DYNC2H1: variants seen among roughly 807,000 people sequenced by gnomAD.
DYNC2H1 encodes the protein cytoplasmic dynein 2 heavy chain 1.
A neutral mutation model predicts 570.0 loss-of-function variants in DYNC2H1; 410 were observed. The observed-to-expected ratio is 0.72, with a 90% confidence interval of 0.66 to 0.78. The LOEUF (loss-of-function observed/expected upper bound fraction) is 0.78, where lower values mean the gene tolerates loss of function less well. Among genes scored for constraint, DYNC2H1 ranks in the 30% least tolerant of loss-of-function variants. The pLI is 0.00. For synonymous variants in DYNC2H1, 1,688 were observed against 1,677.6 expected, an observed-to-expected ratio of 1.01 and a Z score of -0.15; for missense variants, 4,865 against 5,046.4, an observed-to-expected ratio of 0.96 and a Z score of 1.09.
In DYNC2H1 at chr11:103,184,990, A is replaced by G; in HGVS notation, c.6572A>G (p.Asn2191Ser). The change falls in exon 41 of 89, where the codon AAT becomes AGT. Residue 2191 changes from asparagine (N) to serine (S), a missense_variant. Asn to Ser is a conservative substitution (Grantham distance 46, BLOSUM62 1). This residue lies in a region of DYNC2H1 where 231 missense variants were observed against 310.3 expected (regional missense o/e 0.74). Coordinates refer to ENST00000375735, the MANE Select transcript of DYNC2H1 (RefSeq NM_001377.3). ...AGAGATCATGACGAATTCATTATTA[A>G]TCTCATAAGGGGACTTGGTGGAAAT... is the stretch of plus-strand genomic sequence containing the variant. ...GCRDHDEFIINLIRGLGGNLN... is the reference protein window; with the variant it reads ...GCRDHDEFIISLIRGLGGNLN... 6.2e-7 allele frequency: 1 copy of G among 1,610,950 alleles called. No homozygotes were observed.
rs1215233234 is a variant in DYNC2H1 at position 103,168,968 on chromosome 11, T to G, written c.4968+8T>G. On this transcript the variant is annotated splice_region_variant and intron_variant, in intron 32 of 88. Coordinates refer to ENST00000375735, the MANE Select transcript of DYNC2H1 (RefSeq NM_001377.3). ...TATACTTATGAATATCAGGTATGAG[T>G]TGTGGCAGTGTTTTATATTTCCAAT... is the stretch of plus-strand genomic sequence containing the variant. 7 of 1,582,382 alleles carry G rather than the reference T, an allele frequency of 4.4e-6. No individual in the cohort carries two copies. The highest frequency in any genetic ancestry group is 2.3e-5 in the East Asian group (1 of 43,790).
intron 38 of DYNC2H1, among the ~76,000 whole-genome samples, chr11:103,178,078 C>T (rs2134996525): frequency 6.6e-6 from 1 of 152,114 alleles, no homozygotes; most frequent in East Asian, 1.9e-4. Context: ...GATTAATTTA[C>T]TGAATGAATA....
intron 88 of DYNC2H1, among the ~76,000 whole-genome samples, chr11:103,473,882 GA>G (rs974527093): frequency 4.7e-4 from 72 of 152,112 alleles, no homozygotes; most frequent in African/African-American, 1.6e-3. Flanking sequence ...TTCAGCTTCA[GA>G]AAAAAATTTA....
In DYNC2H1 at chr11:103,316,560, T is replaced by C; in HGVS notation, c.11665T>C (p.Tyr3889His). Residue 3889 changes from tyrosine to histidine, a missense_variant, in exon 80 of 89, where the codon TAT becomes CAT. By Grantham distance (83) the Tyr-to-His change is moderately conservative. This residue lies in a region of DYNC2H1 where 2,401 missense variants were observed against 2,454.6 expected (regional missense o/e 0.98). Transcript: ENST00000375735. The part of the protein sequence containing the change: ...NYIPQGWTKF[Y>H]EFSLSDLRAG... ...TTTTTGACAGGGTTGGACAAAGTTT[T>C]ATGAATTTTCTTTATCAGATCTTCG... 1.9e-6 allele frequency: 3 copies of C among 1,557,530 alleles called. No individual in the cohort carries two copies. Among genetic ancestry groups the C allele is most frequent in the Non-Finnish European group, 2.6e-6 (3 of 1,152,058 alleles).
chr11:103,335,098 C>T (rs1215953707), intron 82 of DYNC2H1, among the ~76,000 whole-genome samples: 2 of 151,932 alleles, frequency 1.3e-5, no homozygotes, highest in African/African-American at 2.4e-5. Flanking sequence ...AGGTATTTTT[C>T]AATGTCCCTT....
chr11:103,135,724 G>A lies in DYNC2H1; in HGVS notation c.2350G>A (p.Gly784Arg), dbSNP rs1859499981. The A allele has an allele frequency of 1.9e-6, 3 of 1,607,510 alleles. No individual in the cohort carries two copies. In the African/African-American group the frequency reaches 4.0e-5, roughly 22 times the overall value. The change falls in exon 17 of 89, where the codon GGA becomes AGA. Residue 784 changes from glycine (G) to arginine (R), a missense_variant. Transcript: ENST00000375735. ...EINIDLTYKQGRLQFRPPFEE... is the reference protein window; with the variant it reads ...EINIDLTYKQRRLQFRPPFEE... Reference sequence around the variant, plus strand: ...AAGTTATTTATTTACTTTTAGACAGGGACGATTACAATTCAGGCCCCCTTT... The same window carrying A: ...AAGTTATTTATTTACTTTTAGACAGAGACGATTACAATTCAGGCCCCCTTT...
intron 82 of DYNC2H1, among the ~76,000 whole-genome samples, chr11:103,328,251 CT>C (rs375931781): frequency 1.3e-5 from 2 of 152,106 alleles, no homozygotes; most frequent in African/African-American, 4.8e-5. Context: ...TGTTTCACTG[CT>C]TATTTACTTG....
chr11:103,133,524 T>C lies in DYNC2H1; in HGVS notation c.1954-31T>C, dbSNP rs185493394. On this transcript the variant is annotated intron_variant, in intron 13 of 88. Transcript: ENST00000375735. The surrounding 1 kb of genome is among the most constrained non-coding windows in gnomAD (Gnocchi z 4.8). ...AACTTTTGGAAAAAAGAAATACTTA[T>C]ACATACTAAAGGTTATTTATTGTAC... 8,248 of 1,570,442 alleles carry C rather than the reference T, an allele frequency of 5.3e-3. 37 individuals carry two copies. Among genetic ancestry groups the C allele is most frequent in the Non-Finnish European group, 6.5e-3 (7,581 of 1,165,996 alleles).
At chr11:103,232,469 T>C (rs896224781) in intron 60 of DYNC2H1, among the ~76,000 whole-genome samples, 1 of 151,960 alleles carries the variant, frequency 6.6e-6, no homozygotes, top group African/African-American at 2.4e-5. Flanking sequence ...ACTTTTGGAA[T>C]TAACTTTTAA....
At chr11:103,406,207 A>G (rs1942859311) in intron 84 of DYNC2H1, 2 of 152,028 alleles carry the variant, frequency 1.3e-5, no homozygotes, top group Non-Finnish European at 2.9e-5. Flanking sequence ...TATTTAACCT[A>G]AATTTCTAAG....
At chr11:103,332,723 T>G (rs1011762208) in intron 82 of DYNC2H1, among the ~76,000 whole-genome samples, 1 of 152,164 alleles carries the variant, frequency 6.6e-6, no homozygotes, top group Non-Finnish European at 1.5e-5. Context: ...CTTTCTCGGC[T>G]GGGCACAGTG....
At chr11:103,316,078 TTA>T (rs909330115) in intron 79 of DYNC2H1, among the ~76,000 whole-genome samples, 4 of 152,028 alleles carry the variant, frequency 2.6e-5, no homozygotes, top group African/African-American at 9.6e-5. Context: ...TAGCTATTAG[TTA>T]TAGTTATATA....
In DYNC2H1 at chr11:103,259,914, C is replaced by T. The variant is rs768498051; in HGVS notation, c.10632C>T (p.Ile3544=). The T allele has an allele frequency of 6.5e-7, 1 of 1,545,558 alleles. No individual in the cohort carries two copies. The highest frequency in any genetic ancestry group is 1.2e-5 in the South Asian group (1 of 80,010). ...KQDSENTEQR[I]QSLISSLQHM... ...ATTCTGAAAATACAGAACAGAGAATCCAGTCACTTATCAGCTCATTACAAC... is the reference window on the plus strand; with the variant it reads ...ATTCTGAAAATACAGAACAGAGAATTCAGTCACTTATCAGCTCATTACAAC... The change falls in exon 70 of 89, where the codon ATC becomes ATT. Residue 3544 remains isoleucine (I), a synonymous_variant. Transcript: ENST00000375735.
intron 82 of DYNC2H1, among the ~76,000 whole-genome samples, chr11:103,331,342 T>A (rs139661866): frequency 6.6e-6 from 1 of 152,300 alleles, no homozygotes; most frequent in African/African-American, 2.4e-5. Context: ...GGAGCTTTTT[T>A]TGTACCAGAA....
At chr11:103,148,446 A>T in intron 19 of DYNC2H1, 44 bp from the exon 20 acceptor site, 6 of 1,528,018 alleles carry the variant, frequency 3.9e-6, no homozygotes, top group Non-Finnish European at 5.3e-6. Context: ...AGTATTTTTG[A>T]TGGTAATAAT....
intron 53 of DYNC2H1, among the ~76,000 whole-genome samples, chr11:103,210,674 G>A (rs994467255): frequency 6.2e-4 from 94 of 152,212 alleles, no homozygotes; most frequent in Middle Eastern, 3.4e-3. Flanking sequence ...AATAGACATT[G>A]CCCAGACGGG....
intron 47 of DYNC2H1, among the ~76,000 whole-genome samples, chr11:103,196,575 T>C (rs1862513930): frequency 6.6e-6 from 1 of 152,146 alleles, no homozygotes; most frequent in Non-Finnish European, 1.5e-5. Context: ...TATAAATTAT[T>C]GATAATTTAA....
At chr11:103,165,148 A>G (rs1591345492) in intron 30 of DYNC2H1, among the ~76,000 whole-genome samples, 1 of 152,196 alleles carries the variant, frequency 6.6e-6, no homozygotes, top group Non-Finnish European at 1.5e-5. Context: ...AAGTTGCAGT[A>G]AGACAGCAGC....
chr11:103,253,151 G>T, intron 65 of DYNC2H1, 134 bp from the exon 66 acceptor site: 1 of 781,810 alleles, frequency 1.3e-6, no homozygotes, highest in Non-Finnish European at 1.9e-6. Context: ...AGTATCTCAG[G>T]TAACCCAACT....
Sources: allele counts gnomAD v4.1 joint callset (sites outside exome capture counted in the v4.1 genomes callset), GRCh38; gene constraint gnomAD v4.1.1; regional missense constraint gnomAD v4.1.1; non-coding constraint Gnocchi (gnomAD v3.1); transcripts MANE v1.5; gene names NCBI Gene and HGNC (gene_info 2026-07-23, HGNC 2026-07-21).